Variants in ASMTL observed in about 807,000 individuals in gnomAD.
ASMTL encodes the protein acetylserotonin O-methyltransferase like.
A neutral mutation model predicts 60.3 loss-of-function variants in ASMTL; 57 were observed. The ratio of observed to expected loss-of-function variants is 0.95; its 90% CI spans 0.76 to 1.18. The LOEUF is 1.18. ASMTL is among the 50% of genes most tolerant of loss of function. ASMTL has a pLI of 0.00. For missense variants in ASMTL, 981 were observed against 852.6 expected, an observed-to-expected ratio of 1.15 and a Z score of -1.88; for synonymous variants, 419 against 373.0, an observed-to-expected ratio of 1.12 and a Z score of -1.42.
chrX:1,418,292 G>T (rs2090371962), intron 10 of ASMTL, 176 bp from the exon 11 acceptor site: 1 of 248,098 alleles, frequency 4.0e-6, no homozygotes, highest in Non-Finnish European at 6.4e-6. Flanking sequence ...GTACAAGCAG[G>T]TGAGTGTGGG....
chrX:1,416,630 C>A (rs191576510), intron 11 of ASMTL, among the ~76,000 whole-genome samples: 2 of 151,866 alleles, frequency 1.3e-5, no homozygotes, highest in African/African-American at 4.8e-5. Context: ...AACACACATA[C>A]CCTCACACAT....
At chrX:1,443,153 GACAC>G (rs1324626846) in intron 1 of ASMTL, among the ~76,000 whole-genome samples, 2 of 149,352 alleles carry the variant, frequency 1.3e-5, no homozygotes, top group African/African-American at 4.9e-5. Flanking sequence ...CGCCATCTTG[GACAC>G]ACACCGCCAT....
intron 8 of ASMTL, among the ~76,000 whole-genome samples, chrX:1,424,386 G>A (rs66800326): frequency 9.5e-4 from 131 of 138,042 alleles, no homozygotes; most frequent in South Asian, 6.9e-3. Flanking sequence ...CCATCCATCT[G>A]TCCACCCACC....
In ASMTL at chrX:1,427,896, G is replaced by A. The variant is rs1362257845; in HGVS notation, c.735C>T (p.Gly245=). The A allele has an allele frequency of 6.2e-7, 1 of 1,613,148 alleles. No homozygotes were observed. Among genetic ancestry groups the A allele is most frequent in the Non-Finnish European group, 8.5e-7 (1 of 1,179,836 alleles). ...CCGCGTCCCTCTGAGTGGGCTCCGA[G>A]CCGCCCCCCTCCACGTCACTGAGGT... is the stretch of plus-strand genomic sequence containing the variant. ...FEDLSDVEGG[G]SEPTQRDAGS... Residue 245 remains glycine, a synonymous_variant, in exon 7 of 13, where the codon GGC becomes GGT. Coordinates refer to ENST00000381317, the MANE Select transcript of ASMTL (RefSeq NM_004192.4).
intron 10 of ASMTL, among the ~76,000 whole-genome samples, chrX:1,418,450 C>A (rs1415208514): frequency 4.6e-5 from 7 of 151,780 alleles, no homozygotes; most frequent in African/African-American, 1.5e-4. Flanking sequence ...ACAGGGAAAT[C>A]CTTTCTGCCC....
chrX:1,404,587 G>A (rs772891956), intron 12 of ASMTL, among the ~76,000 whole-genome samples: 2 of 151,818 alleles, frequency 1.3e-5, no homozygotes, highest in Non-Finnish European at 2.9e-5. Flanking sequence ...ATGGATGGGT[G>A]TATAGATGAT....
At chrX:1,446,347 A>G (rs2091230195) in intron 1 of ASMTL, among the ~76,000 whole-genome samples, 1 of 151,012 alleles carries the variant, frequency 6.6e-6, no homozygotes, top group Non-Finnish European at 1.5e-5. Flanking sequence ...CGGGACCACC[A>G]CCAGTCTCCG....
chrX:1,431,447 GT>G (rs1569533750), intron 6 of ASMTL, among the ~76,000 whole-genome samples: 1 of 134,222 alleles, frequency 7.5e-6, no homozygotes, highest in Non-Finnish European at 1.5e-5. Context: ...TATTATAACA[GT>G]ATATATTATA....
At chrX:1,435,298 C>G (rs1428956158) in intron 4 of ASMTL, 3 of 640,330 alleles carry the variant, frequency 4.7e-6, no homozygotes, top group South Asian at 3.7e-5. Flanking sequence ...GTGGCCCTGA[C>G]GGGAGGCGCC....
intron 9 of ASMTL, among the ~76,000 whole-genome samples, chrX:1,419,887 C>T (rs189941157): frequency 0.13 from 20,176 of 152,148 alleles, 1,409 homozygotes; most frequent in Middle Eastern, 0.19. Context: ...CCGTGCCTCT[C>T]GGCTTCTCCA....
chrX:1,425,164 T>C (rs1323150900), intron 8 of ASMTL, among the ~76,000 whole-genome samples: 2 of 152,124 alleles, frequency 1.3e-5, no homozygotes, highest in African/African-American at 2.4e-5. Context: ...ATCATCTATC[T>C]ATGTATCTGT....
intron 6 of ASMTL, 135 bp downstream of exon 6, chrX:1,432,134 G>A (rs1336874611): frequency 7.3e-6 from 5 of 686,166 alleles, no homozygotes; most frequent in African/African-American, 3.6e-5. Flanking sequence ...TCTGAGCCGG[G>A]CGGCTCTCCC....
chrX:1,420,265 ATCTCTG>A (rs1439382864), intron 9 of ASMTL, among the ~76,000 whole-genome samples: 6 of 142,322 alleles, frequency 4.2e-5, no homozygotes, highest in East Asian at 2.1e-4. Flanking sequence ...GTCTCACTCT[ATCTCTG>A]TCTCTGTCTT....
intron 6 of ASMTL, 39 bp downstream of exon 6, chrX:1,432,228 CCA>C (rs776890560): frequency 2.9e-5 from 44 of 1,522,488 alleles, no homozygotes; most frequent in Non-Finnish European, 4.0e-5. Context: ...GGCCAGGCTT[CCA>C]CACGTGTCCC....
Position 1,429,147 on chromosome X carries a change from G to A in ASMTL, c.510-1026C>T, listed in dbSNP as rs1448523137. Among the ~76,000 whole-genome samples the A allele has an allele frequency of 3.3e-5, 5 of 151,028 alleles. No individual in the cohort carries two copies. The South Asian group carries it at 6.3e-4, about 19-fold the overall frequency. The stretch of plus-strand genomic sequence containing the variant: ...TGACCTCAGGTGATGCGCCTGCCTC[G>A]GCCCCCCAAAGTGCTGGGATTACAG... On this transcript the variant is annotated intron_variant, in intron 6 of 12. Transcript: ENST00000381317.
At chrX:1,428,941 G>A (rs771594825) in intron 6 of ASMTL, among the ~76,000 whole-genome samples, 2 of 151,488 alleles carry the variant, frequency 1.3e-5, no homozygotes, top group South Asian at 4.2e-4. Flanking sequence ...CTGTCGCCCA[G>A]GCTGGAGTGC....
chrX:1,449,422 C>A (rs748169205), intron 1 of ASMTL, among the ~76,000 whole-genome samples: 9 of 151,944 alleles, frequency 5.9e-5, no homozygotes, highest in African/African-American at 1.9e-4. Flanking sequence ...GCCCTGTCAC[C>A]CCCAATCATG....
At chrX:1,436,693 G>T (rs1371383462) in intron 3 of ASMTL, among the ~76,000 whole-genome samples, 2 of 152,202 alleles carry the variant, frequency 1.3e-5, no homozygotes, top group African/African-American at 4.8e-5. Flanking sequence ...TCCACTGTGT[G>T]TGGATGGACC....
chrX:1,432,313 C>T lies in ASMTL; in HGVS notation c.465G>A (p.Leu155=). The T allele has an allele frequency of 6.2e-7, 1 of 1,613,148 alleles. No individual in the cohort carries two copies. The highest frequency in any genetic ancestry group is 8.5e-7 in the Non-Finnish European group (1 of 1,179,696). Residue 155 remains leucine, a synonymous_variant, in exon 6 of 13, where the codon CTG becomes CTA. Transcript: ENST00000381317. The part of the protein sequence containing the change: ...YEETKVKFSE[L]SEELLWEYVH... ...CGTATTCCCAGAGCAGCTCCTCGGA[C>T]AGCTCCGAGAACTTCACCTTCGTTT...
Sources: allele counts gnomAD v4.1 joint callset (sites outside exome capture counted in the v4.1 genomes callset), GRCh38; gene constraint gnomAD v4.1.1; transcripts MANE v1.5; gene names NCBI Gene and HGNC (gene_info 2026-07-23, HGNC 2026-07-21).